The following KIAA1328 variants were observed in gnomAD, a reference collection of about 807,000 sequenced individuals.
The protein encoded by KIAA1328 is protein hinderin.
A neutral mutation model predicts 68.1 loss-of-function variants in KIAA1328; 52 were observed. That is an observed-to-expected ratio of 0.76 (90% CI 0.61 to 0.96). KIAA1328 has a LOEUF of 0.96. KIAA1328 is among the 40% of genes least tolerant of loss of function. The pLI is 0.00. For synonymous variants in KIAA1328, 232 were observed against 239.4 expected, an observed-to-expected ratio of 0.97 and a Z score of 0.28; for missense variants, 641 against 677.6, an observed-to-expected ratio of 0.95 and a Z score of 0.60.
intron 5 of KIAA1328, among the ~76,000 whole-genome samples, chr18:36,938,077 T>G (rs1192842666): frequency 6.6e-6 from 1 of 152,220 alleles, no homozygotes; most frequent in Non-Finnish European, 1.5e-5. Context: ...TGCAGGTGTC[T>G]CTTCAGCACA....
At chr18:37,093,845 T>A (rs1444524700) in intron 7 of KIAA1328, among the ~76,000 whole-genome samples, 1 of 152,196 alleles carries the variant, frequency 6.6e-6, no homozygotes, top group Non-Finnish European at 1.5e-5. Context: ...CAAGGCATGT[T>A]ATAAACTATC....
intron 9 of KIAA1328, among the ~76,000 whole-genome samples, chr18:37,194,330 A>G (rs969575054): frequency 2.0e-5 from 3 of 152,232 alleles, no homozygotes; most frequent in Non-Finnish European, 4.4e-5. Context: ...TGTAGTTACA[A>G]TTGCAAAGAA....
At chr18:36,842,577 G>A (rs1338334280) in intron 3 of KIAA1328, among the ~76,000 whole-genome samples, 1 of 152,042 alleles carries the variant, frequency 6.6e-6, no homozygotes, top group Non-Finnish European at 1.5e-5. Flanking sequence ...GAATTTCATT[G>A]TATCAATATG....
chr18:37,211,739 C>T (rs1055208059), intron 9 of KIAA1328, among the ~76,000 whole-genome samples: 11 of 152,116 alleles, frequency 7.2e-5, no homozygotes, highest in African/African-American at 2.7e-4. Context: ...AATTTTTTTA[C>T]TATATTTCAT....
chr18:36,927,759 A>G (rs1314081406), intron 5 of KIAA1328, among the ~76,000 whole-genome samples: 1 of 151,958 alleles, frequency 6.6e-6, no homozygotes, highest in African/African-American at 2.4e-5. Context: ...CCCTGTCTCA[A>G]ATAAAGAAAG....
At chr18:37,186,040 T>C (rs1224839239) in intron 9 of KIAA1328, among the ~76,000 whole-genome samples, 3 of 150,960 alleles carry the variant, frequency 2.0e-5, no homozygotes, top group South Asian at 2.1e-4. Flanking sequence ...GACATTGATA[T>C]ACAGTTACAT....
intron 7 of KIAA1328, among the ~76,000 whole-genome samples, chr18:37,106,888 C>T (rs1422448992): frequency 6.6e-6 from 1 of 152,196 alleles, no homozygotes; most frequent in African/African-American, 2.4e-5. Flanking sequence ...AGCTTTTCCC[C>T]TTTTCTCCTC....
intron 8 of KIAA1328, among the ~76,000 whole-genome samples, chr18:37,171,567 C>T (rs1028722513): frequency 9.9e-5 from 15 of 152,118 alleles, no homozygotes; most frequent in African/African-American, 3.6e-4. Context: ...TCATACCTTC[C>T]TTTCCCTCCC....
At chr18:36,879,400 C>T (rs555800622) in intron 4 of KIAA1328, among the ~76,000 whole-genome samples, 1 of 152,302 alleles carries the variant, frequency 6.6e-6, no homozygotes, top group East Asian at 1.9e-4. Context: ...TGAAAGCTTC[C>T]TCACAGAGGG....
chr18:36,890,787 TG>T (rs1253523052), intron 5 of KIAA1328, among the ~76,000 whole-genome samples: 3 of 152,180 alleles, frequency 2.0e-5, no homozygotes, highest in Non-Finnish European at 4.4e-5. Flanking sequence ...TTCATGTGGA[TG>T]ACTCAACAAA....
intron 3 of KIAA1328, 81 bp downstream of exon 3, chr18:36,835,457 A>C: frequency 7.9e-7 from 1 of 1,269,850 alleles, no homozygotes; most frequent in Admixed American, 2.2e-5. Flanking sequence ...AGAACCTTTG[A>C]AAGTATACTA....
At chr18:37,025,667 G>C (rs990011898) in intron 6 of KIAA1328, among the ~76,000 whole-genome samples, 4 of 152,180 alleles carry the variant, frequency 2.6e-5, no homozygotes, top group African/African-American at 9.6e-5. Context: ...GTTGTTCTTT[G>C]AAATTAACGA....
chr18:37,031,131 C>T lies in KIAA1328; in HGVS notation c.577-35759C>T, dbSNP rs146429154. Among the ~76,000 whole-genome samples, 346 of 152,168 alleles carry T rather than the reference C, an allele frequency of 2.3e-3. 1 individual carries two copies. Among genetic ancestry groups the T allele is most frequent in the African/African-American group, 7.7e-3 (319 of 41,514 alleles). ...AAGTCTTTGCCATTGTGAATAGTGCCGCAATAAACATATGTGTGCATGTGT... is the reference window on the plus strand; with the variant it reads ...AAGTCTTTGCCATTGTGAATAGTGCTGCAATAAACATATGTGTGCATGTGT... On this transcript the variant is annotated intron_variant, in intron 6 of 9. Transcript: ENST00000280020.
chr18:36,960,247 G>A (rs750232780), intron 6 of KIAA1328, among the ~76,000 whole-genome samples: 25 of 152,332 alleles, frequency 1.6e-4, no homozygotes, highest in Non-Finnish European at 3.7e-4. Flanking sequence ...GCTGCAGCCC[G>A]GCAGGGGGAG....
chr18:36,913,401 A>G (rs538649705), intron 5 of KIAA1328, among the ~76,000 whole-genome samples: 1 of 149,270 alleles, frequency 6.7e-6, no homozygotes, highest in Non-Finnish European at 1.5e-5. Flanking sequence ...TTTTCTGTGT[A>G]TGTTGGGGAT....
chr18:36,967,714 G>T (rs774687775), intron 6 of KIAA1328, among the ~76,000 whole-genome samples: 6 of 152,086 alleles, frequency 3.9e-5, no homozygotes, highest in Non-Finnish European at 5.9e-5. Context: ...ACAGATGCTG[G>T]GCTGAAAGGG....
chr18:37,184,993 C>A (rs1224908548), intron 9 of KIAA1328, among the ~76,000 whole-genome samples: 2 of 151,750 alleles, frequency 1.3e-5, no homozygotes, highest in African/African-American at 4.8e-5. Context: ...GAAACCTCAT[C>A]TCTACTAAAA....
At chr18:37,182,033 G>T (rs2059708810) in intron 9 of KIAA1328, among the ~76,000 whole-genome samples, 1 of 152,092 alleles carries the variant, frequency 6.6e-6, no homozygotes, top group Non-Finnish European at 1.5e-5. Context: ...AATAGATGAG[G>T]ATTATCCTTC....
At chr18:37,132,644 G>A (rs1361077114) in intron 7 of KIAA1328, among the ~76,000 whole-genome samples, 1 of 152,104 alleles carries the variant, frequency 6.6e-6, no homozygotes, top group Non-Finnish European at 1.5e-5. Flanking sequence ...AGGGAACTTT[G>A]GATGGTATTT....
Sources: gnomAD v4.1 joint callset for allele counts (sites outside exome capture counted in the v4.1 genomes callset) on GRCh38, gnomAD v4.1.1 for gene constraint, MANE v1.5 for transcripts, NCBI Gene and HGNC (gene_info 2026-07-23, HGNC 2026-07-21) for gene names.